ERI3: variants seen among roughly 807,000 people sequenced by gnomAD.
ERI3 encodes ERI1 exoribonuclease family member 3.
A neutral mutation model predicts 44.4 loss-of-function variants in ERI3; 18 were observed. That is an observed-to-expected ratio of 0.41 (90% CI 0.28 to 0.60). The LOEUF (loss-of-function observed/expected upper bound fraction) is 0.60. ERI3 is among the 20% of genes least tolerant of loss of function. ERI3 has a pLI of 0.36. For missense variants in ERI3, 294 were observed against 435.5 expected (o/e 0.68, Z 2.89); for synonymous variants, 183 against 164.8 (o/e 1.11, Z -0.84).
At chr1:44,292,697 G>A (rs1487506149) in intron 6 of ERI3, among the ~76,000 whole-genome samples, 3 of 152,214 alleles carry the variant, frequency 2.0e-5, no homozygotes, top group Admixed American at 1.3e-4. Context: ...ACAGCCCTGG[G>A]GGGAATGCAC....
chr1:44,246,836 GGA>G (rs1346101314), intron 8 of ERI3, among the ~76,000 whole-genome samples: 1 of 152,210 alleles, frequency 6.6e-6, no homozygotes, highest in Non-Finnish European at 1.5e-5. Context: ...AATGGATAAA[GGA>G]TCTACTCTGA....
intron 3 of ERI3, among the ~76,000 whole-genome samples, chr1:44,333,255 A>T (rs1572306166): frequency 6.6e-6 from 1 of 152,376 alleles, no homozygotes; most frequent in South Asian, 2.1e-4. Context: ...GGTGCATTTA[A>T]TCTCAACCAT....
intron 6 of ERI3, among the ~76,000 whole-genome samples, chr1:44,307,603 T>C (rs1645866424): frequency 6.6e-6 from 1 of 152,064 alleles, no homozygotes; most frequent in Admixed American, 6.5e-5. Flanking sequence ...TGCACAAGTG[T>C]CAACCCAGCA....
chr1:44,233,144 C>T (rs1644224737), intron 8 of ERI3, among the ~76,000 whole-genome samples: 1 of 152,188 alleles, frequency 6.6e-6, no homozygotes, highest in South Asian at 2.1e-4. Flanking sequence ...TCAGCCTCAG[C>T]TGGGTATATA....
intron 2 of ERI3, among the ~76,000 whole-genome samples, chr1:44,343,567 T>C (rs541133496): frequency 1.7e-4 from 26 of 152,144 alleles, no homozygotes; most frequent in Non-Finnish European, 3.4e-4. Context: ...TTCAAAAGTA[T>C]CAAGGTCATG....
intron 6 of ERI3, among the ~76,000 whole-genome samples, chr1:44,299,398 A>G (rs529008087): frequency 6.6e-6 from 1 of 152,236 alleles, no homozygotes; most frequent in East Asian, 1.9e-4. Flanking sequence ...CTGCTACCTC[A>G]GGCTGGTCTC....
chr1:44,291,020 A>C (rs1268378758), intron 6 of ERI3, among the ~76,000 whole-genome samples: 2 of 152,204 alleles, frequency 1.3e-5, no homozygotes, highest in African/African-American at 4.8e-5. Context: ...ATCTCTGCAC[A>C]AATTGGTCCT....
intron 2 of ERI3, among the ~76,000 whole-genome samples, chr1:44,347,044 A>G (rs1049735145): frequency 2.6e-5 from 4 of 152,134 alleles, no homozygotes; most frequent in Admixed American, 6.5e-5. Context: ...CATATCACAC[A>G]TGAGGAAACT....
At chr1:44,306,069 C>T (rs866451596) in intron 6 of ERI3, among the ~76,000 whole-genome samples, 1 of 152,190 alleles carries the variant, frequency 6.6e-6, no homozygotes, top group Admixed American at 6.5e-5. Flanking sequence ...GTTTCCTCTC[C>T]GGCTGTTTTT....
rs533893199 is a variant in ERI3 at position 44,277,988 on chromosome 1, G to A, written c.831+6847C>T. Among the ~76,000 whole-genome samples the A allele has an allele frequency of 4.6e-5, 7 of 152,146 alleles. No homozygotes were observed. In the East Asian group the frequency reaches 9.6e-4, roughly 21 times the overall value. Reference sequence around the variant, plus strand: ...TGAAACTTAGAATTTTCTAGCAGCCGCACTAAAAAGTAAAATGAAACAGAC... The same window carrying A: ...TGAAACTTAGAATTTTCTAGCAGCCACACTAAAAAGTAAAATGAAACAGAC... On this transcript the variant is annotated intron_variant, in intron 7 of 8. Transcript: ENST00000372257.
Position 44,285,016 on chromosome 1 carries a change from G to A in ERI3, c.759-109C>T, listed in dbSNP as rs960213800. ...ATACAAGACAAACAGACCTCAAAAG[G>A]TCAACCCATTAGCCATGGGTCCCAC... On this transcript the variant is annotated intron_variant, in intron 6 of 8. Transcript: ENST00000372257. 2.3e-5 allele frequency: 21 copies of A among 914,574 alleles called. No individual in the cohort carries two copies. In the African/African-American group the frequency reaches 3.0e-4, roughly 13 times the overall value. 56.7% of individuals were successfully genotyped at this position (914,574 alleles called of 1,614,324 possible).
At chr1:44,283,150 T>C (rs1645323418) in intron 7 of ERI3, among the ~76,000 whole-genome samples, 1 of 152,236 alleles carries the variant, frequency 6.6e-6, no homozygotes, top group African/African-American at 2.4e-5. Context: ...ACAGCTGGTA[T>C]GCTATGTTCC....
intron 3 of ERI3, among the ~76,000 whole-genome samples, chr1:44,330,847 T>C (rs1424566935): frequency 6.6e-6 from 1 of 152,200 alleles, no homozygotes; most frequent in Non-Finnish European, 1.5e-5. Context: ...CAAGATCCTT[T>C]TTCCCAATGA....
chr1:44,352,083 A>G (rs1364913889), intron 2 of ERI3, among the ~76,000 whole-genome samples: 1 of 152,166 alleles, frequency 6.6e-6, no homozygotes, highest in Non-Finnish European at 1.5e-5. Flanking sequence ...GTTCACCACT[A>G]CAATCCCAGG....
intron 2 of ERI3, among the ~76,000 whole-genome samples, chr1:44,340,224 A>G (rs1467576538): frequency 6.6e-6 from 1 of 152,128 alleles, no homozygotes; most frequent in Non-Finnish European, 1.5e-5. Flanking sequence ...CCTGCTCCTC[A>G]GAGGCCTAAC....
rs147906852 is a variant in ERI3, at chr1:44,243,233, AC to A, written c.931+4705del. The stretch of plus-strand genomic sequence containing the variant: ...CTTGGTTTCTGGCCATGCCACCTGT[AC>A]CACAAGCCTCAGTGGGATCCTTCTC... On this transcript the variant is annotated intron_variant, in intron 8 of 8. Transcript: ENST00000372257. Among the ~76,000 whole-genome samples the A allele has an allele frequency of 5.1e-3, 784 of 152,284 alleles. 4 individuals are homozygous for A. The highest frequency in any genetic ancestry group is 0.017 in the African/African-American group (723 of 41,572).
intron 6 of ERI3, among the ~76,000 whole-genome samples, chr1:44,299,347 T>A (rs1332495953): frequency 6.6e-6 from 1 of 151,824 alleles, no homozygotes; most frequent in Non-Finnish European, 1.5e-5. Flanking sequence ...CACACCAGGT[T>A]ATTTTTTATT....
intron 7 of ERI3, among the ~76,000 whole-genome samples, chr1:44,275,324 C>T (rs1310678836): frequency 6.6e-6 from 1 of 152,184 alleles, no homozygotes; most frequent in Non-Finnish European, 1.5e-5. Flanking sequence ...TCCCCTCACT[C>T]CTGATGACTT....
chr1:44,341,376 A>G (rs1256955025), intron 2 of ERI3, among the ~76,000 whole-genome samples: 5 of 152,222 alleles, frequency 3.3e-5, no homozygotes, highest in Non-Finnish European at 5.9e-5. Flanking sequence ...CTACTATCCT[A>G]TTGGGCTATG....
Sources: gnomAD v4.1 joint callset for allele counts (sites outside exome capture counted in the v4.1 genomes callset) on GRCh38, gnomAD v4.1.1 for gene constraint, MANE v1.5 for transcripts, NCBI Gene and HGNC (gene_info 2026-07-23, HGNC 2026-07-21) for gene names.